The following ARPC2 variants were observed in gnomAD, a reference collection of about 807,000 sequenced individuals.
ARPC2 encodes the protein actin related protein 2/3 complex subunit 2, also known as actin-related protein 2/3 complex subunit 2.
In ARPC2, 4 loss-of-function variants were observed where a neutral mutation model predicts 38.6. The ratio of observed to expected loss-of-function variants is 0.10; its 90% CI spans 0.05 to 0.24. ARPC2 has a LOEUF of 0.24. Ranked by LOEUF, ARPC2 falls within the 10% of genes least tolerant of loss-of-function variation. The probability of loss-of-function intolerance (pLI) is 1.00; values close to 1 mark genes in which losing one functional copy is unlikely to be tolerated. For missense variants in ARPC2, 229 were observed against 387.3 expected (o/e 0.59, Z 3.43); for synonymous variants, 125 against 140.8 (o/e 0.89, Z 0.79).
chr2:218,244,365 C>T (rs1689983392), intron 7 of ARPC2, among the ~76,000 whole-genome samples: 2 of 152,186 alleles, frequency 1.3e-5, no homozygotes, highest in South Asian at 4.1e-4. Flanking sequence ...TTTATTCTTC[C>T]TGCCTGCAAC....
intron 3 of ARPC2, 31 bp downstream of exon 3, chr2:218,225,985 G>C: frequency 6.2e-7 from 1 of 1,610,886 alleles, no homozygotes; most frequent in Non-Finnish European, 8.5e-7. Flanking sequence ...CCTCTGAAGA[G>C]AAGGTACAAT....
At chr2:218,232,795 C>T (rs926306394) in intron 4 of ARPC2, among the ~76,000 whole-genome samples, 2 of 151,982 alleles carry the variant, frequency 1.3e-5, no homozygotes, top group Non-Finnish European at 2.9e-5. Context: ...CCAGGATGGT[C>T]TCAATCTCCT....
At chr2:218,247,693 C>T (rs907880904) in intron 8 of ARPC2, among the ~76,000 whole-genome samples, 7 of 152,030 alleles carry the variant, frequency 4.6e-5, no homozygotes. Context: ...CCTGTAATCC[C>T]AGCACTTTGG....
At chr2:218,239,274 T>G in intron 6 of ARPC2, 117 bp from the exon 7 acceptor site, 1 of 732,980 alleles carries the variant, frequency 1.4e-6, no homozygotes, top group Non-Finnish European at 2.3e-6. Context: ...TGGCACACCT[T>G]TATATTATGA....
At position 218,249,355 on chromosome 2, in the gene ARPC2, C is replaced by T. The variant is rs375809020; in HGVS notation, c.677-9C>T. 5.1e-5 allele frequency: 82 copies of T among 1,602,872 alleles called. No individual in the cohort carries two copies. In the Admixed American group the frequency reaches 6.2e-4, roughly 12 times the overall value. ...GTCCTGACGCCTTGTTTGTGTCTTC[C>T]GCCTTCAGTGCTGTTCCCTCGTCAC... On this transcript the variant is annotated splice_polypyrimidine_tract_variant and intron_variant, in intron 8 of 10. Coordinates refer to ENST00000315717, the MANE Select transcript of ARPC2 (RefSeq NM_152862.3).
At chr2:218,232,145 G>A (rs1215594019) in intron 4 of ARPC2, among the ~76,000 whole-genome samples, 1 of 152,136 alleles carries the variant, frequency 6.6e-6, no homozygotes, top group Non-Finnish European at 1.5e-5. Flanking sequence ...GGAGGCTGAG[G>A]CAGGAGAATT....
chr2:218,242,318 T>G (rs1262351983), intron 7 of ARPC2, among the ~76,000 whole-genome samples: 1 of 152,230 alleles, frequency 6.6e-6, no homozygotes, highest in Non-Finnish European at 1.5e-5. Flanking sequence ...GGAGATTAGC[T>G]TATGGTGAAC....
chr2:218,217,977 G>C (rs1689294879), intron 2 of ARPC2, among the ~76,000 whole-genome samples: 1 of 152,196 alleles, frequency 6.6e-6, no homozygotes, highest in African/African-American at 2.4e-5. Flanking sequence ...GACTGGAGGA[G>C]GGAAGGAGAT....
At chr2:218,220,233 C>T (rs753506663) in intron 2 of ARPC2, among the ~76,000 whole-genome samples, 2 of 152,154 alleles carry the variant, frequency 1.3e-5, no homozygotes, top group Non-Finnish European at 2.9e-5. Flanking sequence ...GAGAGGTCAG[C>T]TCCACCCTAC....
At chr2:218,236,382 A>G (rs1689769478) in intron 5 of ARPC2, 1 of 152,190 alleles carries the variant, frequency 6.6e-6, no homozygotes, top group Non-Finnish European at 1.5e-5. Context: ...CCAAAATAGA[A>G]TGATGATTGA....
chr2:218,217,321 C>T (rs1689269699), intron 1 of ARPC2, 67 bp downstream of exon 1: 1 of 684,946 alleles, frequency 1.5e-6, no homozygotes, highest in Non-Finnish European at 2.6e-6. Context: ...CTTACCCTTC[C>T]CTCCACCCCG....
At chr2:218,234,742 G>A (rs1574583950) in intron 5 of ARPC2, 9 of 468,704 alleles carry the variant, frequency 1.9e-5, no homozygotes, top group Admixed American at 5.0e-5. Context: ...TCCCACCCTC[G>A]GCCCTTAGTA....
rs1803061 is a variant in ARPC2 at position 218,245,434 on chromosome 2, A to G, written c.564A>G (p.Gly188=). ...TGTCTTGGCAGGAGTTCAAAGAAGG[A>G]CGCAGAGCCAGCCACACAGCCCCAC... ...GKVFMQEFKE[G]RRASHTAPQV... The change falls in exon 8 of 11, where the codon GGA becomes GGG. Residue 188 remains glycine, a synonymous_variant. Transcript: ENST00000315717. 6.2e-7 allele frequency: 1 copy of G among 1,614,136 alleles called. No individual in the cohort carries two copies. The highest frequency in any genetic ancestry group is 8.5e-7 in the Non-Finnish European group (1 of 1,180,028).
chr2:218,217,289 G>A (rs1407059399), intron 1 of ARPC2, 35 bp downstream of exon 1: 2 of 618,342 alleles, frequency 3.2e-6, no homozygotes, highest in Non-Finnish European at 5.8e-6. Context: ...CACAGTCTGC[G>A]TGCGTGGGCC....
chr2:218,242,442 C>T (rs115989393), intron 7 of ARPC2, among the ~76,000 whole-genome samples: 3,846 of 152,298 alleles, frequency 0.025, 64 homozygotes, highest in Middle Eastern at 0.037. Flanking sequence ...ACACAAGCAC[C>T]TGCCTCTTAG....
chr2:218,244,936 G>C (rs1574591903), intron 7 of ARPC2, among the ~76,000 whole-genome samples: 1 of 152,236 alleles, frequency 6.6e-6, no homozygotes, highest in African/African-American at 2.4e-5. Flanking sequence ...AGAAGCTTCA[G>C]GTTTGGAGAT....
intron 5 of ARPC2, chr2:218,235,354 AT>A (rs138596623): frequency 1.3e-5 from 2 of 154,090 alleles, no homozygotes; most frequent in African/African-American, 4.8e-5. Flanking sequence ...TTTTTTTAAT[AT>A]TTTGTAGAAA....
Position 218,246,488 on chromosome 2 carries a change from C to G in ARPC2, c.676+942C>G, listed in dbSNP as rs529182701. ...GAGGTTGCAGTGAGCTGAGATCACACCATTGCACTCCAGCCTGGATGACAG... is the reference window on the plus strand; with the variant it reads ...GAGGTTGCAGTGAGCTGAGATCACAGCATTGCACTCCAGCCTGGATGACAG... On this transcript the variant is annotated intron_variant, in intron 8 of 10. Coordinates refer to ENST00000315717, the MANE Select transcript of ARPC2 (RefSeq NM_152862.3). 3.3e-5 allele frequency among the ~76,000 whole-genome samples: 5 copies of G among 152,202 alleles called. No individual in the cohort carries two copies. In the East Asian group the frequency reaches 9.7e-4, roughly 29 times the overall value.
At chr2:218,229,854 A>G (rs115504855) in intron 4 of ARPC2, among the ~76,000 whole-genome samples, 4,835 of 152,372 alleles carry the variant, frequency 0.032, 111 homozygotes, top group Admixed American at 0.046. Flanking sequence ...AAAGCTTCAG[A>G]AAGAAGACCT....
Sources: gnomAD v4.1 joint callset for allele counts (sites outside exome capture counted in the v4.1 genomes callset) on GRCh38, gnomAD v4.1.1 for gene constraint, MANE v1.5 for transcripts, NCBI Gene and HGNC (gene_info 2026-07-23, HGNC 2026-07-21) for gene names.